COL4A3: variants seen among roughly 807,000 people sequenced by gnomAD.
The protein encoded by COL4A3 is collagen type IV alpha 3 chain, also known as collagen alpha-3(IV) chain.
Under a neutral mutation model 217.4 loss-of-function variants are expected in COL4A3, and 135 were observed. The ratio of observed to expected loss-of-function variants is 0.62; its 90% CI spans 0.54 to 0.72. The LOEUF is 0.72. Ranked by LOEUF, COL4A3 falls within the 30% of genes least tolerant of loss-of-function variation. The pLI is 0.00. For synonymous variants in COL4A3, 690 were observed against 736.3 expected (o/e 0.94, Z 1.02); for missense variants, 1,868 against 2,119.9 (o/e 0.88, Z 2.33).
chr2:227,179,428 T>C (rs1349580609), intron 1 of COL4A3, among the ~76,000 whole-genome samples: 1 of 152,244 alleles, frequency 6.6e-6, no homozygotes, highest in African/African-American at 2.4e-5. Flanking sequence ...GAAATATTAC[T>C]TGACTCTGCA....
chr2:227,234,596 C>T (rs2068588592), intron 1 of COL4A3, among the ~76,000 whole-genome samples: 1 of 152,134 alleles, frequency 6.6e-6, no homozygotes, highest in Non-Finnish European at 1.5e-5. Flanking sequence ...ATCTTATATG[C>T]CAAAGATACC....
chr2:227,184,540 G>C lies in COL4A3; in HGVS notation c.87+19727G>C, dbSNP rs186011930. Among the ~76,000 whole-genome samples, 43 of 152,254 alleles carry C rather than the reference G, an allele frequency of 2.8e-4. 1 individual carries two copies. In the East Asian group the frequency reaches 7.7e-3, roughly 27 times the overall value. On this transcript the variant is annotated intron_variant, in intron 1 of 51. Transcript: ENST00000396578. ...TATATTTTGTACCAAGAAAGATCTG[G>C]TCAATATTTTTGCTATGCTACTACA...
At chr2:227,173,009 A>G (rs1305365899) in intron 1 of COL4A3, among the ~76,000 whole-genome samples, 1 of 152,116 alleles carries the variant, frequency 6.6e-6, no homozygotes, top group East Asian at 1.9e-4. Flanking sequence ...TACAGCTTCA[A>G]CCTAGGAATT....
rs2069677442 is a variant in COL4A3 at position 227,250,526 on chromosome 2, T to A, written c.547-614T>A. Among the ~76,000 whole-genome samples the A allele has an allele frequency of 6.6e-6, 1 of 152,014 alleles. No individual in the cohort carries two copies. The highest frequency in any genetic ancestry group is 2.4e-5 in the African/African-American group (1 of 41,374). On this transcript the variant is annotated intron_variant, in intron 9 of 51. Coordinates refer to ENST00000396578, the MANE Select transcript of COL4A3 (RefSeq NM_000091.5). This position sits in a 1 kb window ranked among gnomAD's most constrained non-coding sequence, Gnocchi z 4.1. ...GCAAGACCCAGTCTCTTAAAATATA[T>A]ATATATATTGCCTTCATAGAGCTTA...
At position 227,293,205 on chromosome 2, in the gene COL4A3, G is replaced by T. The variant is rs763010804; in HGVS notation, c.3225G>T (p.Leu1075=). 1.1e-5 allele frequency: 17 copies of T among 1,613,812 alleles called. No individual in the cohort carries two copies. In the African/African-American group the frequency reaches 1.6e-4, roughly 15 times the overall value. Residue 1075 remains leucine (L), a synonymous_variant, in exon 38 of 52, where the codon CTG becomes CTT. Transcript: ENST00000396578. Reference sequence around the variant, plus strand: ...CTACATTTAAGGGGGATCCAGGACTGCCGGGTGATATGGGAAAGAAAGGAG... The same window carrying T: ...CTACATTTAAGGGGGATCCAGGACTTCCGGGTGATATGGGAAAGAAAGGAG... ...GPPGPTGDPG[L]PGDMGKKGEM... is the part of the protein sequence containing the mutation.
intron 38 of COL4A3, 31 bp downstream of exon 38, chr2:227,293,348 G>A (rs2072868518): frequency 6.2e-7 from 1 of 1,613,056 alleles, no homozygotes; most frequent in Non-Finnish European, 8.5e-7. Context: ...TCTAAAAGCT[G>A]GAAGCATTAC....
chr2:227,224,146 G>A (rs1000017111), intron 1 of COL4A3, among the ~76,000 whole-genome samples: 3 of 152,190 alleles, frequency 2.0e-5, no homozygotes, highest in Non-Finnish European at 4.4e-5. Flanking sequence ...AATAAGATCT[G>A]GACTGACCTT....
At position 227,203,293 on chromosome 2, in the gene COL4A3, ATG is replaced by A. The variant is rs1491134295; in HGVS notation, c.88-34671_88-34670del. Among the ~76,000 whole-genome samples the A allele has an allele frequency of 2.4e-5, 2 of 84,102 alleles. 1 individual carries two copies. The highest frequency in any genetic ancestry group is 9.3e-5 in the African/African-American group (2 of 21,572). The allele number at this position is 84,102 out of a possible 152,430, so 55.2% of individuals were successfully genotyped here. On this transcript the variant is annotated intron_variant, in intron 1 of 51. Coordinates refer to ENST00000396578, the MANE Select transcript of COL4A3 (RefSeq NM_000091.5). ...TGTATATATGTGTATATATACATAT[ATG>A]TGTATATATGTGTATATATACATAT...
rs752544047 is a variant in COL4A3, at chr2:227,269,935, AG to A, written c.1532del (p.Gly511GlufsTer66). On this transcript the variant is annotated frameshift_variant, in exon 24 of 52. Transcript: ENST00000396578. LOFTEE classifies it high-confidence loss of function. ...PGRQGAAGLKGSPGSPGNTGL... is the reference protein window; with the variant it reads ...PGRQGAAGLKXSPGSPGNTGL... ...GAAGACAAGGCGCAGCTGGCTTGAAAGGAAGCCCAGGGTCCCCAGGAAATAC... is the reference window on the plus strand; with the variant it reads ...GAAGACAAGGCGCAGCTGGCTTGAAAGAAGCCCAGGGTCCCCAGGAAATAC... 1 of 1,613,966 alleles carries A rather than the reference AG, an allele frequency of 6.2e-7. No individual in the cohort carries two copies. The highest frequency in any genetic ancestry group is 1.3e-5 in the African/African-American group (1 of 75,064).
chr2:227,298,560 G>A, intron 42 of COL4A3, 122 bp from the exon 43 acceptor site: 3 of 1,393,220 alleles, frequency 2.2e-6, no homozygotes. Context: ...CATGCTCCAG[G>A]GGAAAGAATG....
At chr2:227,188,164 A>C (rs75750777) in intron 1 of COL4A3, among the ~76,000 whole-genome samples, 5,252 of 152,204 alleles carry the variant, frequency 0.035, 158 homozygotes, top group Admixed American at 0.079. Context: ...GTTAAACCCA[A>C]ATCTAGCAAC....
Position 227,309,078 on chromosome 2 carries a change from TA to T in COL4A3, c.4640+7del. 2 of 1,614,166 alleles carry T rather than the reference TA, an allele frequency of 1.2e-6. No individual in the cohort carries two copies. Among genetic ancestry groups the T allele is most frequent in the South Asian group, 1.1e-5 (1 of 91,082 alleles). ...AGCCCTTGAGCCTTATATAAGCAGG[TA>T]AAAATCCAATCCCCTAGTTTTACAA... On this transcript the variant is annotated splice_donor_region_variant and intron_variant, in intron 49 of 51. Coordinates refer to ENST00000396578, the MANE Select transcript of COL4A3 (RefSeq NM_000091.5).
chr2:227,273,883 G>C (rs960343168), intron 26 of COL4A3, among the ~76,000 whole-genome samples: 4 of 152,190 alleles, frequency 2.6e-5, no homozygotes, highest in Non-Finnish European at 5.9e-5. Flanking sequence ...CTGAAGGTCA[G>C]AATAGCATGC....
rs1559870241 is a variant in COL4A3, at chr2:227,253,995, G to T, written c.766-117G>T. 5 of 942,738 alleles carry T rather than the reference G, an allele frequency of 5.3e-6. No individual in the cohort carries two copies. Among genetic ancestry groups the T allele is most frequent in the Middle Eastern group, 4.2e-4 (2 of 4,764 alleles). 58.4% of individuals were successfully genotyped at this position (942,738 alleles called of 1,614,324 possible). ...GTGTATTGGGTTGTGTTAACACGAG[G>T]CACATTCATAGTTTGTAAACCCAGT... On this transcript the variant is annotated intron_variant, in intron 13 of 51. Transcript: ENST00000396578. The surrounding 1 kb of genome is among the most constrained non-coding windows in gnomAD (Gnocchi z 4.4).
chr2:227,280,787 A>T, intron 30 of COL4A3, 106 bp from the exon 31 acceptor site: 1 of 1,027,050 alleles, frequency 9.7e-7, no homozygotes, highest in South Asian at 1.4e-5. Flanking sequence ...CAGTAAATAT[A>T]GATCTGATTT....
intron 44 of COL4A3, 146 bp from the exon 45 acceptor site, chr2:227,303,713 G>T (rs1056918054): frequency 1.0e-5 from 8 of 784,552 alleles, no homozygotes; most frequent in Non-Finnish European, 1.7e-5. Flanking sequence ...TGAACAAAAT[G>T]AAATTGTAGC....
intron 5 of COL4A3, chr2:227,245,566 A>G (rs1422579234): frequency 3.3e-6 from 1 of 304,046 alleles, no homozygotes; most frequent in East Asian, 7.8e-5. Context: ...AAGCTGATAG[A>G]ATAGGATAGG....
chr2:227,260,232 G>C (rs1290237383), intron 19 of COL4A3, among the ~76,000 whole-genome samples: 1 of 152,210 alleles, frequency 6.6e-6, no homozygotes, highest in Non-Finnish European at 1.5e-5. Context: ...GATGTGCAAG[G>C]GGGAACTGAA....
chr2:227,176,069 C>A (rs2065664525), intron 1 of COL4A3, among the ~76,000 whole-genome samples: 1 of 152,100 alleles, frequency 6.6e-6, no homozygotes, highest in Non-Finnish European at 1.5e-5. Flanking sequence ...AAAGATGAAA[C>A]CCAGTTAAGG....
Sources: gnomAD v4.1 joint callset for allele counts (sites outside exome capture counted in the v4.1 genomes callset) on GRCh38, gnomAD v4.1.1 for gene constraint, Gnocchi (gnomAD v3.1) non-coding constraint, MANE v1.5 for transcripts, NCBI Gene and HGNC (gene_info 2026-07-23, HGNC 2026-07-21) for gene names.